ADAM28: variants seen among roughly 807,000 people sequenced by gnomAD.
ADAM28 encodes the protein disintegrin and metalloproteinase domain-containing protein 28.
Under a neutral mutation model 101.2 loss-of-function variants are expected in ADAM28, and 105 were observed. The ratio of observed to expected loss-of-function variants is 1.04; its 90% CI spans 0.89 to 1.22. ADAM28 has a LOEUF of 1.22. Among genes scored for constraint, ADAM28 ranks in the 50% most tolerant of loss-of-function variants. ADAM28 has a pLI of 0.00. For missense variants in ADAM28, 1,028 were observed against 945.4 expected (o/e 1.09, Z -1.15); for synonymous variants, 322 against 310.6 (o/e 1.04, Z -0.39).
At chr8:24,294,334 T>G in intron 1 of ADAM28, 139 bp downstream of exon 1, 1 of 1,012,992 alleles carries the variant, frequency 9.9e-7, no homozygotes, top group Non-Finnish European at 1.5e-6. Flanking sequence ...CCAGTTGGGC[T>G]GGTTTTAACC....
At chr8:24,346,156 A>G (rs1815375602) in intron 18 of ADAM28, among the ~76,000 whole-genome samples, 1 of 152,124 alleles carries the variant, frequency 6.6e-6, no homozygotes, top group Non-Finnish European at 1.5e-5. Flanking sequence ...GGAAAAAATT[A>G]CATTTTTATT....
chr8:24,335,395 G>A (rs767474807), intron 13 of ADAM28, 51 bp from the exon 14 acceptor site: 3 of 1,522,940 alleles, frequency 2.0e-6, no homozygotes, highest in East Asian at 4.6e-5. Context: ...GAGGTATTAG[G>A]GTAAAGCAGG....
intron 16 of ADAM28, 62 bp from the exon 17 acceptor site, chr8:24,343,039 C>G: frequency 2.5e-6 from 4 of 1,609,806 alleles, no homozygotes; most frequent in Non-Finnish European, 3.4e-6. Context: ...TTCACACAGA[C>G]CTCAACTTTC....
At chr8:24,351,953 T>C (rs1281577068) in intron 20 of ADAM28, 34 bp from the exon 21 acceptor site, 4 of 1,607,366 alleles carry the variant, frequency 2.5e-6, no homozygotes, top group Non-Finnish European at 3.4e-6. Context: ...ATGAAACTAA[T>C]GGTTCATTTT....
chr8:24,322,910 CA>C (rs149518357), intron 8 of ADAM28, among the ~76,000 whole-genome samples: 306 of 151,904 alleles, frequency 2.0e-3, no homozygotes, highest in African/African-American at 7.1e-3. Context: ...TTAGAGTAAG[CA>C]TATTGTTTCA....
intron 2 of ADAM28, among the ~76,000 whole-genome samples, chr8:24,305,905 G>C (rs1168445347): frequency 6.6e-6 from 1 of 152,104 alleles, no homozygotes; most frequent in East Asian, 1.9e-4. Context: ...TGACACCTTT[G>C]AATTACCCCA....
rs1412407474 is a variant in ADAM28, at chr8:24,355,285, T to C, written c.*881T>C. The C allele has an allele frequency of 6.6e-6, 1 of 152,206 alleles. No homozygotes were observed. The highest frequency in any genetic ancestry group is 1.5e-5 in the Non-Finnish European group (1 of 68,002). 9.4% of individuals were successfully genotyped at this position (152,206 alleles called of 1,614,324 possible). A position where few individuals can be genotyped will look rare whatever the true frequency, so the allele number is the denominator to read the frequency against. On this transcript the variant is annotated 3_prime_UTR_variant, in exon 23 of 23. Coordinates refer to ENST00000265769, the MANE Select transcript of ADAM28 (RefSeq NM_014265.6). ...TGCCCATAGCAACCGTCAGCTTAGT[T>C]GATGGGTAATGTAGCAAACACTATT... is the stretch of plus-strand genomic sequence containing the variant.
At position 24,349,883 on chromosome 8, in the gene ADAM28, G is replaced by A. The variant is rs757864374; in HGVS notation, c.2010G>A (p.Gly670=). ...CTGCAGACTTCTCCATTGTGGTTGGGGTGCTGTTCCCAATGGCGGTCATTT... is the reference window on the plus strand; with the variant it reads ...CTGCAGACTTCTCCATTGTGGTTGGAGTGCTGTTCCCAATGGCGGTCATTT... ...SVVFHFSIVV[G]VLFPMAVIFV... is the part of the protein sequence containing the mutation. Residue 670 remains glycine (G), a synonymous_variant, in exon 19 of 23, where the codon GGG becomes GGA. Coordinates refer to ENST00000265769, the MANE Select transcript of ADAM28 (RefSeq NM_014265.6). 30 of 1,613,510 alleles carry A rather than the reference G, an allele frequency of 1.9e-5. No homozygotes were observed. Among genetic ancestry groups the A allele is most frequent in the Non-Finnish European group, 2.5e-5 (29 of 1,179,742 alleles).
intron 14 of ADAM28, among the ~76,000 whole-genome samples, chr8:24,338,233 T>C (rs1814334080): frequency 6.6e-6 from 1 of 152,176 alleles, no homozygotes; most frequent in Admixed American, 6.6e-5. Flanking sequence ...ATGGATTAGT[T>C]AAATAAAGTG....
At position 24,321,092 on chromosome 8, in the gene ADAM28, A is replaced by C; in HGVS notation, c.649-126A>C. ...GGAATTAATTTGATTCTAACTTTTAATTAAATCTAATAACTAATCTTTAAT... is the reference window on the plus strand; with the variant it reads ...GGAATTAATTTGATTCTAACTTTTACTTAAATCTAATAACTAATCTTTAAT... On this transcript the variant is annotated intron_variant, in intron 7 of 22. Coordinates refer to ENST00000265769, the MANE Select transcript of ADAM28 (RefSeq NM_014265.6). 5 of 606,988 alleles carry C rather than the reference A, an allele frequency of 8.2e-6. No homozygotes were observed. The South Asian group carries it at 1.1e-4, about 14-fold the overall frequency. 37.6% of individuals were successfully genotyped at this position (606,988 alleles called of 1,614,324 possible). A position where few individuals can be genotyped will look rare whatever the true frequency, so the allele number is the denominator to read the frequency against.
chr8:24,321,074 ATT>A (rs1192571238), intron 7 of ADAM28, 142 bp from the exon 8 acceptor site: 3 of 576,862 alleles, frequency 5.2e-6, no homozygotes, highest in Non-Finnish European at 9.2e-6. Context: ...ATAGGAATTA[ATT>A]TGATTCTAAC....
chr8:24,333,934 A>C (rs937846989), intron 13 of ADAM28, among the ~76,000 whole-genome samples: 1 of 152,160 alleles, frequency 6.6e-6, no homozygotes, highest in African/African-American at 2.4e-5. Flanking sequence ...AATTTCATAC[A>C]TTTTAAATGA....
In ADAM28 at chr8:24,335,594, G is replaced by T; in HGVS notation, c.1520G>T (p.Gly507Val). Residue 507 changes from glycine to valine, a missense_variant, in exon 14 of 23, where the codon GGG (glycine) becomes GTG (valine). Transcript: ENST00000265769. ...CHHGKGHCLM[G>V]TCPTLQEQCT... ...CACGGGAAGGGCCACTGCTTGATGGGGACATGCCCCACACTGCAGGAGCAG... is the reference window on the plus strand; with the variant it reads ...CACGGGAAGGGCCACTGCTTGATGGTGACATGCCCCACACTGCAGGAGCAG... 1 of 1,613,474 alleles carries T rather than the reference G, an allele frequency of 6.2e-7. No homozygotes were observed. Among genetic ancestry groups the T allele is most frequent in the African/African-American group, 1.3e-5 (1 of 75,022 alleles).
intron 4 of ADAM28, chr8:24,310,496 G>A (rs1585551128): frequency 3.1e-6 from 1 of 324,254 alleles, no homozygotes; most frequent in Non-Finnish European, 5.7e-6. Flanking sequence ...GAAGGAGCAT[G>A]TTATTTTCTT....
chr8:24,305,067 C>T (rs1809382993), intron 2 of ADAM28, among the ~76,000 whole-genome samples: 1 of 151,862 alleles, frequency 6.6e-6, no homozygotes, highest in African/African-American at 2.4e-5. Flanking sequence ...AAATTATCAA[C>T]TTCAGGTTGC....
intron 1 of ADAM28, among the ~76,000 whole-genome samples, chr8:24,299,096 G>C (rs548839770): frequency 6.6e-6 from 1 of 152,168 alleles, no homozygotes; most frequent in Admixed American, 6.5e-5. Flanking sequence ...TGGAGGCTGA[G>C]GTGGAAGGAT....
At chr8:24,304,831 T>C (rs1230554344) in intron 2 of ADAM28, among the ~76,000 whole-genome samples, 3 of 151,606 alleles carry the variant, frequency 2.0e-5, no homozygotes, top group Admixed American at 6.6e-5. Context: ...AGGAGAATCA[T>C]TGGAACCTGG....
intron 19 of ADAM28, 47 bp from the exon 20 acceptor site, chr8:24,351,185 T>C (rs372349410): frequency 2.8e-6 from 4 of 1,416,760 alleles, no homozygotes; most frequent in Non-Finnish European, 3.8e-6. Flanking sequence ...CCTGTCATGC[T>C]GAAGGAGCTG....
intron 2 of ADAM28, among the ~76,000 whole-genome samples, chr8:24,308,457 A>G (rs1809999565): frequency 6.6e-6 from 1 of 152,210 alleles, no homozygotes; most frequent in Non-Finnish European, 1.5e-5. Flanking sequence ...AGTTTTAGTA[A>G]CTAAATCTAC....
Sources: allele counts gnomAD v4.1 joint callset (sites outside exome capture counted in the v4.1 genomes callset), GRCh38; gene constraint gnomAD v4.1.1; transcripts MANE v1.5; gene names NCBI Gene and HGNC (gene_info 2026-07-23, HGNC 2026-07-21).